RELN: variants seen among roughly 807,000 people sequenced by gnomAD.
RELN encodes reelin.
A neutral mutation model predicts 427.6 loss-of-function variants in RELN; 108 were observed. The observed-to-expected ratio is 0.25, with a 90% CI of 0.22 to 0.30. RELN has a LOEUF of 0.30. Ranked by LOEUF, RELN falls within the 10% of genes least tolerant of loss-of-function variation. The probability of loss-of-function intolerance (pLI) is 1.00; values close to 1 mark genes in which losing one functional copy is unlikely to be tolerated. For synonymous variants in RELN, 1,524 were observed against 1,513.4 expected, an observed-to-expected ratio of 1.01 and a Z score of -0.16; for missense variants, 3,715 against 4,302.8, an observed-to-expected ratio of 0.86 and a Z score of 3.82.
At position 103,472,665 on chromosome 7, in the gene RELN, T is replaced by C. The variant is rs1827893574; in HGVS notation, c.*147A>G. On this transcript the variant is annotated 3_prime_UTR_variant, in exon 65 of 65. Transcript: ENST00000428762. ...GTCATTAGTTCACAGTGTGGGAAAG[T>C]GGTGTACACTCGGTCTTGAGAAGGG... is the stretch of plus-strand genomic sequence containing the variant. 1.5e-6 allele frequency: 1 copy of C among 673,036 alleles called. No individual in the cohort carries two copies. The highest frequency in any genetic ancestry group is 2.7e-6 in the Non-Finnish European group (1 of 369,846). The allele number at this position is 673,036 out of a possible 1,614,324, so 41.7% of individuals were successfully genotyped here.
intron 1 of RELN, among the ~76,000 whole-genome samples, chr7:103,956,521 A>T (rs1796437429): frequency 6.6e-6 from 1 of 152,214 alleles, no homozygotes; most frequent in Non-Finnish European, 1.5e-5. Flanking sequence ...AAAAAATCTT[A>T]TGAGAAAATC....
At chr7:103,510,452 A>C (rs1240681396) in intron 51 of RELN, among the ~76,000 whole-genome samples, 1 of 152,184 alleles carries the variant, frequency 6.6e-6, no homozygotes, top group East Asian at 1.9e-4. Context: ...ACACATCGCC[A>C]CAGGGAGAGG....
At chr7:103,591,263 G>T (rs537263210) in intron 27 of RELN, among the ~76,000 whole-genome samples, 111 of 152,150 alleles carry the variant, frequency 7.3e-4, no homozygotes, top group Non-Finnish European at 1.1e-3. Context: ...AGAATAGTCT[G>T]ATTTTTAGAA....
chr7:103,626,966 C>T lies in RELN; in HGVS notation c.2702+2974G>A, dbSNP rs985181664. On this transcript the variant is annotated intron_variant, in intron 20 of 64. Coordinates refer to ENST00000428762, the MANE Select transcript of RELN (RefSeq NM_005045.4). This position sits in a 1 kb window ranked among gnomAD's most constrained non-coding sequence, Gnocchi z 4.4. The stretch of plus-strand genomic sequence containing the variant: ...ACTGGAAAAAAGTGCTCTAGGATGA[C>T]ATACTGGAAAGTGATTTGTAGCATA... Among the ~76,000 whole-genome samples, 3 of 152,074 alleles carry T rather than the reference C, an allele frequency of 2.0e-5. No homozygotes were observed. Among genetic ancestry groups the T allele is most frequent in the African/African-American group, 4.8e-5 (2 of 41,442 alleles).
At chr7:103,570,310 A>G (rs1830852966) in intron 31 of RELN, among the ~76,000 whole-genome samples, 1 of 152,210 alleles carries the variant, frequency 6.6e-6, no homozygotes, top group Admixed American at 6.5e-5. Flanking sequence ...TTTTTAGGTC[A>G]TACACAAATA....
chr7:103,714,147 A>G (rs1789878528), intron 8 of RELN, among the ~76,000 whole-genome samples: 1 of 152,232 alleles, frequency 6.6e-6, no homozygotes, highest in Non-Finnish European at 1.5e-5. Context: ...CTCCTAGTAC[A>G]AAAACCTATG....
intron 8 of RELN, among the ~76,000 whole-genome samples, chr7:103,717,433 T>C (rs1433374175): frequency 6.6e-6 from 1 of 151,390 alleles, no homozygotes; most frequent in Non-Finnish European, 1.5e-5. Context: ...GTTTCACACC[T>C]TTACTTACCA....
chr7:103,777,031 T>G (rs1046364377), intron 3 of RELN, among the ~76,000 whole-genome samples: 3 of 152,176 alleles, frequency 2.0e-5, no homozygotes, highest in African/African-American at 7.2e-5. Context: ...CTGAAATCAA[T>G]AGTCACCGTA....
intron 2 of RELN, among the ~76,000 whole-genome samples, chr7:103,867,997 C>T (rs1320678156): frequency 1.3e-5 from 2 of 152,030 alleles, no homozygotes; most frequent in Non-Finnish European, 2.9e-5. Flanking sequence ...CCCTCCTGCT[C>T]TGTCCAAGTG....
At chr7:103,715,994 T>C (rs960039424) in intron 8 of RELN, among the ~76,000 whole-genome samples, 2 of 152,188 alleles carry the variant, frequency 1.3e-5, no homozygotes, top group Non-Finnish European at 2.9e-5. Flanking sequence ...AAGTGTTAAC[T>C]GTCTCCCCTC....
chr7:103,761,722 C>T (rs555853071), intron 4 of RELN, among the ~76,000 whole-genome samples: 7 of 152,282 alleles, frequency 4.6e-5, no homozygotes, highest in Non-Finnish European at 8.8e-5. Flanking sequence ...TCCCAAAGTG[C>T]TGGGATTACA....
chr7:103,804,374 T>C (rs1584253740), intron 3 of RELN, among the ~76,000 whole-genome samples: 1 of 152,100 alleles, frequency 6.6e-6, no homozygotes, highest in Non-Finnish European at 1.5e-5. Flanking sequence ...CGGCACTAAA[T>C]AGTGGTATGA....
intron 8 of RELN, among the ~76,000 whole-genome samples, chr7:103,712,749 T>C (rs1789836536): frequency 6.6e-6 from 1 of 152,240 alleles, no homozygotes; most frequent in African/African-American, 2.4e-5. Flanking sequence ...TCTCCATGTT[T>C]TTTGTAATAT....
chr7:103,881,740 C>A (rs895164182), intron 2 of RELN, among the ~76,000 whole-genome samples: 1 of 152,134 alleles, frequency 6.6e-6, no homozygotes, highest in South Asian at 2.1e-4. Flanking sequence ...CCACCCTCAG[C>A]AGATGCCTCA....
chr7:103,901,750 A>C (rs1584348879), intron 2 of RELN, among the ~76,000 whole-genome samples: 1 of 152,002 alleles, frequency 6.6e-6, no homozygotes, highest in East Asian at 1.9e-4. Flanking sequence ...GAGGTGGTAG[A>C]ATTTGGGACT....
In RELN at chr7:103,770,979, A is replaced by G. The variant is rs147355316; in HGVS notation, c.544+5578T>C. Among the ~76,000 whole-genome samples the G allele has an allele frequency of 7.4e-3, 1,112 of 149,644 alleles. 12 individuals are homozygous for G. The highest frequency in any genetic ancestry group is 0.025 in the African/African-American group (1,027 of 40,354). On this transcript the variant is annotated intron_variant, in intron 4 of 64. Transcript: ENST00000428762. ...GCCCAGGCTGGAATGTAGTGGCACA[A>G]TCTAGGCTCACTGCAACCTCTGCCT...
intron 31 of RELN, among the ~76,000 whole-genome samples, chr7:103,566,992 C>T (rs1398766670): frequency 6.6e-6 from 1 of 152,110 alleles, no homozygotes; most frequent in Non-Finnish European, 1.5e-5. Context: ...TAAGACTGCT[C>T]AGCTTTGTAT....
chr7:103,882,575 T>A (rs1456277855), intron 2 of RELN, among the ~76,000 whole-genome samples: 1 of 151,878 alleles, frequency 6.6e-6, no homozygotes, highest in Non-Finnish European at 1.5e-5. Flanking sequence ...GAGAAAAGAA[T>A]CAAATAGACA....
intron 2 of RELN, among the ~76,000 whole-genome samples, chr7:103,866,492 C>T (rs1794200630): frequency 6.6e-6 from 1 of 152,022 alleles, no homozygotes; most frequent in South Asian, 2.1e-4. Flanking sequence ...TTTCTGAAAA[C>T]TAGATATTTG....
Sources: gnomAD v4.1 joint callset for allele counts (sites outside exome capture counted in the v4.1 genomes callset) on GRCh38, gnomAD v4.1.1 for gene constraint, Gnocchi (gnomAD v3.1) non-coding constraint, MANE v1.5 for transcripts, NCBI Gene and HGNC (gene_info 2026-07-23, HGNC 2026-07-21) for gene names.